Variants in GPC5 observed in about 807,000 individuals in gnomAD.
GPC5 encodes the protein glypican-5.
GPC5 carries 47 observed loss-of-function variants against 53.9 expected under a neutral mutation model. The observed-to-expected ratio is 0.87, with a 90% CI of 0.69 to 1.11. The LOEUF (loss-of-function observed/expected upper bound fraction) is 1.11, where lower values mean the gene tolerates loss of function less well. GPC5 is among the 50% of genes most tolerant of loss of function. The pLI is 0.00. For synonymous variants in GPC5, 286 were observed against 263.3 expected (o/e 1.09, Z -0.84); for missense variants, 748 against 713.1 (o/e 1.05, Z -0.56).
intron 6 of GPC5, among the ~76,000 whole-genome samples, chr13:92,080,085 C>A (rs1272843073): frequency 6.6e-6 from 1 of 152,180 alleles, no homozygotes; most frequent in African/African-American, 2.4e-5. Flanking sequence ...GAATTGGAGG[C>A]TATTAACTAA....
chr13:91,515,951 C>T (rs935271524), intron 2 of GPC5, among the ~76,000 whole-genome samples: 1 of 152,166 alleles, frequency 6.6e-6, no homozygotes, highest in Non-Finnish European at 1.5e-5. Flanking sequence ...AGCAAAAGAG[C>T]AAACCCCTGA....
Position 92,489,908 on chromosome 13 carries a change from A to C in GPC5, c.1561+344919A>C, listed in dbSNP as rs1472489869. 2.0e-5 allele frequency among the ~76,000 whole-genome samples: 3 copies of C among 152,092 alleles called. No homozygotes were observed. The East Asian group carries it at 5.8e-4, about 29-fold the overall frequency. On this transcript the variant is annotated intron_variant, in intron 7 of 7. Transcript: ENST00000377067. ...AAAAAGTCAGCTTCTAAAAGGATAA[A>C]ATATAGGGCAAGTTTCTTGGCAGGA...
chr13:91,865,191 G>A (rs1422116361), intron 5 of GPC5, among the ~76,000 whole-genome samples: 1 of 152,004 alleles, frequency 6.6e-6, no homozygotes, highest in Admixed American at 6.6e-5. Context: ...TTAGAGGTGT[G>A]AGCCACCGCA....
intron 7 of GPC5, among the ~76,000 whole-genome samples, chr13:92,652,885 G>T (rs1886002160): frequency 2.0e-5 from 3 of 151,992 alleles, no homozygotes; most frequent in Non-Finnish European, 4.4e-5. Context: ...AAATCTCTGA[G>T]TCAACACAAT....
chr13:92,406,753 G>A (rs889271337), intron 7 of GPC5, among the ~76,000 whole-genome samples: 3 of 152,082 alleles, frequency 2.0e-5, no homozygotes, highest in Non-Finnish European at 4.4e-5. Context: ...ACTACATAAA[G>A]CCATATAAAT....
chr13:92,789,035 C>CG (rs1876364697), intron 7 of GPC5, among the ~76,000 whole-genome samples: 1 of 152,134 alleles, frequency 6.6e-6, no homozygotes, highest in Non-Finnish European at 1.5e-5. Flanking sequence ...GTCAGGCCAG[C>CG]GGGGTTTCCC....
chr13:91,498,294 A>C (rs1300004832), intron 2 of GPC5, among the ~76,000 whole-genome samples: 1 of 144,726 alleles, frequency 6.9e-6, no homozygotes, highest in East Asian at 2.0e-4. Context: ...TTCTTAAATA[A>C]AGTTTTAATT....
At chr13:91,894,733 G>C (rs540199584) in intron 5 of GPC5, among the ~76,000 whole-genome samples, 2 of 152,090 alleles carry the variant, frequency 1.3e-5, no homozygotes, top group African/African-American at 4.8e-5. Context: ...CAGGGGGAAA[G>C]AACCAATCAT....
chr13:92,647,334 G>C (rs985747594), intron 7 of GPC5, among the ~76,000 whole-genome samples: 1 of 152,106 alleles, frequency 6.6e-6, no homozygotes, highest in Admixed American at 6.6e-5. Flanking sequence ...ATTTTATCAA[G>C]TGCATTTCTG....
intron 7 of GPC5, among the ~76,000 whole-genome samples, chr13:92,600,920 A>G (rs1422180536): frequency 2.0e-5 from 3 of 152,120 alleles, no homozygotes; most frequent in Admixed American, 6.6e-5. Flanking sequence ...CTCCTCTACA[A>G]GCAACTACCT....
intron 2 of GPC5, among the ~76,000 whole-genome samples, chr13:91,610,357 C>G (rs2033509367): frequency 6.6e-6 from 1 of 152,144 alleles, no homozygotes; most frequent in East Asian, 1.9e-4. Context: ...TCTGAATATA[C>G]TATTTTTATT....
intron 3 of GPC5, among the ~76,000 whole-genome samples, chr13:91,702,570 C>A (rs1056294166): frequency 2.6e-5 from 4 of 151,956 alleles, no homozygotes; most frequent in African/African-American, 9.7e-5. Flanking sequence ...ATTTTGAAGT[C>A]AGGCAGTGTG....
At chr13:92,134,366 G>A (rs1162112738) in intron 6 of GPC5, among the ~76,000 whole-genome samples, 1 of 152,096 alleles carries the variant, frequency 6.6e-6, no homozygotes, top group Non-Finnish European at 1.5e-5. Context: ...GGCAATCCAG[G>A]CCACGAAGAA....
At chr13:92,099,993 G>A (rs1566434814) in intron 6 of GPC5, among the ~76,000 whole-genome samples, 1 of 152,156 alleles carries the variant, frequency 6.6e-6, no homozygotes, top group Admixed American at 6.5e-5. Context: ...GCAAACAGCT[G>A]TGTCGTGAAA....
intron 6 of GPC5, among the ~76,000 whole-genome samples, chr13:92,127,560 A>G (rs2041709286): frequency 6.6e-6 from 1 of 152,168 alleles, no homozygotes; most frequent in Non-Finnish European, 1.5e-5. Context: ...TCGATTAAAT[A>G]TTAATATTCC....
At chr13:91,819,998 G>C (rs1395753564) in intron 5 of GPC5, among the ~76,000 whole-genome samples, 1 of 151,892 alleles carries the variant, frequency 6.6e-6, no homozygotes, top group Non-Finnish European at 1.5e-5. Context: ...CGGACTATTT[G>C]CCTTCCCTCT....
Position 92,279,781 on chromosome 13 carries a change from G to A in GPC5, c.1561+134792G>A, listed in dbSNP as rs907326640. ...CTAGAATAAATTCCACTTTGCTATG[G>A]TATATAATTTATTCAGTATGCTTAT... On this transcript the variant is annotated intron_variant, in intron 7 of 7. Transcript: ENST00000377067. Among the ~76,000 whole-genome samples, 4 of 151,984 alleles carry A rather than the reference G, an allele frequency of 2.6e-5. No homozygotes were observed. The East Asian group carries it at 5.8e-4, about 22-fold the overall frequency.
At chr13:92,401,905 G>A (rs972329234) in intron 7 of GPC5, among the ~76,000 whole-genome samples, 3 of 152,110 alleles carry the variant, frequency 2.0e-5, no homozygotes, top group Admixed American at 6.6e-5. Context: ...GGCTTAAAAT[G>A]ACATCTTGCT....
intron 7 of GPC5, among the ~76,000 whole-genome samples, chr13:92,766,278 AACCCATCC>A (rs893724573): frequency 1.3e-5 from 2 of 152,064 alleles, no homozygotes; most frequent in Admixed American, 1.3e-4. Context: ...CCTTAACCTA[AACCCATCC>A]ACCCACCCAC....
Sources: allele counts gnomAD v4.1 joint callset (sites outside exome capture counted in the v4.1 genomes callset), GRCh38; gene constraint gnomAD v4.1.1; transcripts MANE v1.5; gene names NCBI Gene and HGNC (gene_info 2026-07-23, HGNC 2026-07-21).